The following PTPN4 variants were observed in gnomAD, a reference collection of about 807,000 sequenced individuals.
PTPN4 encodes protein tyrosine phosphatase non-receptor type 4.
In PTPN4, 49 loss-of-function variants were observed where a neutral mutation model predicts 135.5. The observed-to-expected ratio is 0.36, with a 90% confidence interval of 0.29 to 0.46. The LOEUF (loss-of-function observed/expected upper bound fraction) is 0.46, where lower values mean the gene tolerates loss of function less well. PTPN4 is among the 20% of genes least tolerant of loss of function. The pLI, the probability that PTPN4 is intolerant of heterozygous loss-of-function variation, is 1.00. For missense variants in PTPN4, 860 were observed against 1,101.0 expected (o/e 0.78, Z 3.10); for synonymous variants, 333 against 369.9 (o/e 0.90, Z 1.14).
At chr2:119,902,781 C>T (rs989769572) in intron 10 of PTPN4, among the ~76,000 whole-genome samples, 2 of 152,218 alleles carry the variant, frequency 1.3e-5, no homozygotes, top group Non-Finnish European at 2.9e-5. Context: ...AAGATTACTG[C>T]AGTCCTTCTT....
chr2:119,946,670 ATTTCT>A (rs746700363), intron 18 of PTPN4, 96 bp downstream of exon 18: 44 of 986,676 alleles, frequency 4.5e-5, no homozygotes, highest in Non-Finnish European at 6.3e-5. Flanking sequence ...GAATTTCATC[ATTTCT>A]TTTATTTATC....
intron 2 of PTPN4, among the ~76,000 whole-genome samples, chr2:119,861,352 C>T (rs1362287058): frequency 6.6e-6 from 1 of 152,174 alleles, no homozygotes; most frequent in African/African-American, 2.4e-5. Context: ...CTCAAAATCA[C>T]CATACCAGGG....
At chr2:119,970,121 A>G (rs1471137905) in intron 26 of PTPN4, among the ~76,000 whole-genome samples, 1 of 151,604 alleles carries the variant, frequency 6.6e-6, no homozygotes, top group Non-Finnish European at 1.5e-5. Flanking sequence ...GTGCAATGGC[A>G]TGATCTCAGC....
At chr2:119,895,330 A>T (rs141380896) in intron 9 of PTPN4, among the ~76,000 whole-genome samples, 53 of 152,348 alleles carry the variant, frequency 3.5e-4, no homozygotes, top group African/African-American at 1.3e-3. Flanking sequence ...AGAGGTCAGA[A>T]CATTTAAGTA....
chr2:119,784,782 C>T (rs1019072222), intron 1 of PTPN4, among the ~76,000 whole-genome samples: 7 of 147,238 alleles, frequency 4.8e-5, no homozygotes, highest in Admixed American at 3.5e-4. Context: ...AAGCAGTCTG[C>T]CCGCCTCAGC....
At chr2:119,902,387 G>A (rs773631634) in intron 10 of PTPN4, among the ~76,000 whole-genome samples, 10 of 152,164 alleles carry the variant, frequency 6.6e-5, no homozygotes, top group Non-Finnish European at 1.5e-4. Flanking sequence ...AAAATTGATT[G>A]AATTTGTTAC....
intron 1 of PTPN4, among the ~76,000 whole-genome samples, chr2:119,787,247 G>C (rs1415994616): frequency 6.6e-6 from 1 of 152,206 alleles, no homozygotes; most frequent in Non-Finnish European, 1.5e-5. Flanking sequence ...CAGAAACCCA[G>C]TTGGGGAAGG....
chr2:119,783,293 T>C (rs1323879754), intron 1 of PTPN4, among the ~76,000 whole-genome samples: 2 of 152,230 alleles, frequency 1.3e-5, no homozygotes, highest in African/African-American at 4.8e-5. Context: ...TCTGTCCAGC[T>C]GTAATCCTTT....
chr2:119,767,615 A>C (rs1414695928), intron 1 of PTPN4, among the ~76,000 whole-genome samples: 1 of 152,210 alleles, frequency 6.6e-6, no homozygotes. Context: ...ATCAGTTTGG[A>C]ATGATTCCTC....
chr2:119,972,175 T>TA (rs34997921), intron 26 of PTPN4, among the ~76,000 whole-genome samples: 51,890 of 149,914 alleles, frequency 0.35, 9,439 homozygotes, highest in African/African-American at 0.47. Flanking sequence ...TCTGAAAAAA[T>TA]AAAAAAAAAA....
Position 119,809,838 on chromosome 2 carries a change from C to T in PTPN4, c.-16C>T, listed in dbSNP as rs780309317. 1.3e-6 allele frequency: 2 copies of T among 1,557,418 alleles called. No individual in the cohort carries two copies. Among genetic ancestry groups the T allele is most frequent in the East Asian group, 2.3e-5 (1 of 43,898 alleles). On this transcript the variant is annotated splice_region_variant and 5_prime_UTR_variant, in exon 2 of 27. Transcript: ENST00000263708. The stretch of plus-strand genomic sequence containing the variant: ...TGAATTTTTTTTTTTTTAACTTAGA[C>T]TTTGTGTGGACAGTAATGACCTCAC...
chr2:119,866,848 A>G (rs1677841278), intron 3 of PTPN4, among the ~76,000 whole-genome samples: 1 of 152,098 alleles, frequency 6.6e-6, no homozygotes, highest in African/African-American at 2.4e-5. Context: ...TCTCTTATCT[A>G]TTCATATGTT....
chr2:119,889,933 A>G (rs1678216571), intron 9 of PTPN4, among the ~76,000 whole-genome samples: 1 of 152,200 alleles, frequency 6.6e-6, no homozygotes, highest in Non-Finnish European at 1.5e-5. Flanking sequence ...TTTGTGGCCA[A>G]ACATATGGCC....
At chr2:119,800,920 C>T (rs891093625) in intron 1 of PTPN4, among the ~76,000 whole-genome samples, 2 of 151,660 alleles carry the variant, frequency 1.3e-5, no homozygotes, top group African/African-American at 4.8e-5. Flanking sequence ...GGTGTCTCTA[C>T]TTCTGTCGTT....
At position 119,965,604 on chromosome 2, in the gene PTPN4, C is replaced by T. The variant is rs769162087; in HGVS notation, c.2517C>T (p.Asn839=). The part of the protein sequence containing the change: ...DFLDFVCHVR[N]KRAGKEEPVV... ...TAGATTTTGTTTGTCATGTACGAAA[C>T]AAGAGGGCTGGCAAGGAAGAACCCG... Residue 839 remains asparagine (N), a synonymous_variant, in exon 25 of 27, where the codon AAC becomes AAT. Coordinates refer to ENST00000263708, the MANE Select transcript of PTPN4 (RefSeq NM_002830.4). The T allele has an allele frequency of 2.7e-5, 44 of 1,613,952 alleles. No homozygotes were observed. The highest frequency in any genetic ancestry group is 3.7e-5 in the Non-Finnish European group (44 of 1,179,974).
chr2:119,930,786 G>C (rs747324880), intron 13 of PTPN4, among the ~76,000 whole-genome samples: 1 of 151,234 alleles, frequency 6.6e-6, no homozygotes, highest in Non-Finnish European at 1.5e-5. Flanking sequence ...AATGTAATCA[G>C]ATGAGTTAAT....
rs143450400 is a variant in PTPN4, at chr2:119,853,181, T to G, written c.139-9355T>G. Among the ~76,000 whole-genome samples, 14 of 152,342 alleles carry G rather than the reference T, an allele frequency of 9.2e-5. No homozygotes were observed. In the East Asian group the frequency reaches 2.3e-3, roughly 25 times the overall value. On this transcript the variant is annotated intron_variant, in intron 2 of 26. Transcript: ENST00000263708. ...TTCTTTTATATCCATGCTGATTTTC[T>G]TTTTTACATCTTTGCTGATTAATCT... is the stretch of plus-strand genomic sequence containing the variant.
intron 10 of PTPN4, among the ~76,000 whole-genome samples, chr2:119,914,750 T>A (rs1348022171): frequency 2.6e-5 from 4 of 152,184 alleles, no homozygotes; most frequent in Admixed American, 6.5e-5. Flanking sequence ...AGAACGCTTA[T>A]GGCATTATGT....
At chr2:119,789,814 C>A (rs1042526912) in intron 1 of PTPN4, among the ~76,000 whole-genome samples, 3 of 151,372 alleles carry the variant, frequency 2.0e-5, no homozygotes, top group African/African-American at 7.3e-5. Flanking sequence ...CCTCTGCCTC[C>A]CAGGTTCAAG....
Sources: allele counts gnomAD v4.1 joint callset (sites outside exome capture counted in the v4.1 genomes callset), GRCh38; gene constraint gnomAD v4.1.1; transcripts MANE v1.5; gene names NCBI Gene and HGNC (gene_info 2026-07-23, HGNC 2026-07-21).